The following LIPT1 variants were observed in gnomAD, a reference collection of about 807,000 sequenced individuals.
LIPT1 encodes lipoyl amidotransferase LIPT1, mitochondrial.
In LIPT1, 22 loss-of-function variants were observed where a neutral mutation model predicts 25.1. That is an observed-to-expected ratio of 0.88 (90% CI 0.63 to 1.25). The LOEUF is 1.25. Ranked by LOEUF, LIPT1 falls within the 50% of genes most tolerant of loss-of-function variation. LIPT1 has a pLI of 0.00. For synonymous variants in LIPT1, 131 were observed against 150.8 expected (o/e 0.87, Z 0.96); for missense variants, 399 against 432.8 (o/e 0.92, Z 0.69).
At chr2:99,160,709 T>C (rs2093780660) in intron 1 of LIPT1, among the ~76,000 whole-genome samples, 1 of 152,170 alleles carries the variant, frequency 6.6e-6, no homozygotes, top group African/African-American at 2.4e-5. Flanking sequence ...CCCAGTTGCC[T>C]CTCTCTCTGA....
intron 1 of LIPT1, among the ~76,000 whole-genome samples, chr2:99,157,783 T>G (rs900506258): frequency 6.6e-6 from 1 of 152,192 alleles, no homozygotes; most frequent in African/African-American, 2.4e-5. Context: ...CGCAGGCCCT[T>G]AAATCTTCTC....
Position 99,161,632 on chromosome 2 carries a change from G to A in LIPT1, c.-1-325G>A, listed in dbSNP as rs987285123. On this transcript the variant is annotated intron_variant, in intron 1 of 1. Transcript: ENST00000651691. ...GTGGGAGGACTGCTTGAGCCCAGGA[G>A]TTTGAGACCAGCCTGGGCAACATGG... The A allele has an allele frequency of 1.6e-4, 30 of 185,842 alleles. No individual in the cohort carries two copies. In the South Asian group the frequency reaches 2.6e-3, roughly 16 times the overall value. 11.5% of individuals were successfully genotyped at this position (185,842 alleles called of 1,614,324 possible). A position where few individuals can be genotyped will look rare whatever the true frequency, so the allele number is the denominator to read the frequency against.
chr2:99,156,882 T>C (rs1294026898), intron 1 of LIPT1: 1 of 152,240 alleles, frequency 6.6e-6, no homozygotes, highest in African/African-American at 2.4e-5. Flanking sequence ...GTGTCTTGGT[T>C]AGGAATCTTT....
intron 1 of LIPT1, among the ~76,000 whole-genome samples, chr2:99,161,110 C>A (rs1315240712): frequency 1.1e-4 from 16 of 150,926 alleles, no homozygotes; most frequent in Admixed American, 9.9e-4. Flanking sequence ...ACTAAAAATA[C>A]AAAATTTAGC....
At position 99,162,903 on chromosome 2, in the gene LIPT1, G is replaced by A; in HGVS notation, c.946G>A (p.Asp316Asn). 1.2e-6 allele frequency: 2 copies of A among 1,613,392 alleles called. No homozygotes were observed. The highest frequency in any genetic ancestry group is 1.3e-5 in the African/African-American group (1 of 75,020). ...TGAAATTTGTAATATTGAAGCACCT[G>A]ATCATTGGTTGCCATTGGAAATACG... ...RIEICNIEAP[D>N]HWLPLEIRDK... Residue 316 changes from aspartate (D) to asparagine (N), a missense_variant, in exon 2 of 2, where the codon GAT becomes AAT. Physicochemically the swap from Asp to Asn is conservative, Grantham distance 23. Transcript: ENST00000651691.
intron 1 of LIPT1, among the ~76,000 whole-genome samples, chr2:99,159,218 C>T (rs967733100): frequency 2.0e-5 from 3 of 151,958 alleles, no homozygotes; most frequent in African/African-American, 7.3e-5. Context: ...CACCTGCCAC[C>T]ATGCCCGGCT....
chr2:99,158,170 T>G (rs2093765895), intron 1 of LIPT1, among the ~76,000 whole-genome samples: 1 of 152,196 alleles, frequency 6.6e-6, no homozygotes, highest in South Asian at 2.1e-4. Flanking sequence ...GGGATTTGAA[T>G]GAGGGCACTC....
At chr2:99,161,193 G>A (rs1349593383) in intron 1 of LIPT1, among the ~76,000 whole-genome samples, 3 of 142,082 alleles carry the variant, frequency 2.1e-5, no homozygotes, top group Admixed American at 7.1e-5. Flanking sequence ...CGGAGGTTGC[G>A]GTGAGCCAAG....
intron 1 of LIPT1, among the ~76,000 whole-genome samples, chr2:99,161,141 T>G (rs1184401641): frequency 6.7e-6 from 1 of 149,742 alleles, no homozygotes; most frequent in African/African-American, 2.5e-5. Context: ...GGCAGGCGTC[T>G]GTTATCCCAG....
In LIPT1 at chr2:99,162,453, G is replaced by C; in HGVS notation, c.496G>C (p.Ala166Pro). Residue 166 changes from alanine (A) to proline (P), a missense_variant, in exon 2 of 2, where the codon GCT becomes CCT. Coordinates refer to ENST00000651691, the MANE Select transcript of LIPT1 (RefSeq NM_145199.3). ...TGGACAGTTTAAAATCTCAGGAACA[G>C]CTTCTAAGATCGGCCGGACTACTGC... Reference protein sequence around the residue: ...LDGQFKISGTASKIGRTTAYH... With the variant: ...LDGQFKISGTPSKIGRTTAYH... 3 of 1,613,994 alleles carry C rather than the reference G, an allele frequency of 1.9e-6. No homozygotes were observed. Among genetic ancestry groups the C allele is most frequent in the Non-Finnish European group, 2.5e-6 (3 of 1,180,042 alleles).
intron 1 of LIPT1, among the ~76,000 whole-genome samples, chr2:99,157,592 A>G (rs2093763753): frequency 1.3e-5 from 2 of 151,980 alleles, no homozygotes; most frequent in South Asian, 4.2e-4. Flanking sequence ...ATCCTTTTCA[A>G]CCCTCATCTT....
chr2:99,155,018 C>T lies in LIPT1; in HGVS notation c.-35C>T, dbSNP rs575068235. The T allele has an allele frequency of 1.5e-5, 7 of 455,908 alleles. No homozygotes were observed. The highest frequency in any genetic ancestry group is 1.2e-4 in the Admixed American group (5 of 42,566). 28.2% of individuals were successfully genotyped at this position (455,908 alleles called of 1,614,324 possible). Reference sequence around the variant, plus strand: ...ATGACGCACTTTTCCAGCTCGAGCCCTCACGAGGCCGTGGGTACGACCGGA... The same window carrying T: ...ATGACGCACTTTTCCAGCTCGAGCCTTCACGAGGCCGTGGGTACGACCGGA... On this transcript the variant is annotated 5_prime_UTR_variant, in exon 1 of 2. Transcript: ENST00000651691.
At chr2:99,161,335 T>TATATATATATATATAG (rs2093790871) in intron 1 of LIPT1, 1 of 105,248 alleles carries the variant, frequency 9.5e-6, no homozygotes, top group Admixed American at 1.1e-4. Context: ...TATATATATA[T>TATATATATATATATAG]ATAGATTGAA....
At chr2:99,155,224 C>T (rs916948273) in intron 1 of LIPT1, 173 bp downstream of exon 1, 3 of 372,074 alleles carry the variant, frequency 8.1e-6, no homozygotes, top group Non-Finnish European at 1.6e-5. Flanking sequence ...TTGGGACGAC[C>T]TAATTTCACT....
chr2:99,159,777 G>T (rs2105190757), intron 1 of LIPT1, among the ~76,000 whole-genome samples: 2 of 152,272 alleles, frequency 1.3e-5, no homozygotes, highest in South Asian at 4.1e-4. Context: ...AGTCTCGGTT[G>T]CGAGGCTTCC....
chr2:99,162,794 T>C lies in LIPT1; in HGVS notation c.837T>C (p.Phe279=). Residue 279 remains phenylalanine (F), a synonymous_variant, in exon 2 of 2, where the codon TTT becomes TTC. Coordinates refer to ENST00000651691, the MANE Select transcript of LIPT1 (RefSeq NM_145199.3). The part of the protein sequence containing the change: ...WEWIYGKTPK[F]SINTSFHVLY... ...GGATATATGGCAAAACTCCAAAGTT[T>C]AGTATAAATACTTCCTTTCATGTGT... The C allele has an allele frequency of 1.2e-6, 2 of 1,614,174 alleles. No homozygotes were observed. Among genetic ancestry groups the C allele is most frequent in the South Asian group, 2.2e-5 (2 of 91,084 alleles).
chr2:99,159,398 TTCTC>T (rs375225183), intron 1 of LIPT1, among the ~76,000 whole-genome samples: 1 of 151,444 alleles, frequency 6.6e-6, no homozygotes, highest in African/African-American at 2.4e-5. Flanking sequence ...ATCCATCCCC[TTCTC>T]TCTCTCTCTC....
chr2:99,161,335 T>TAG (rs2093790856), intron 1 of LIPT1: 1 of 105,248 alleles, frequency 9.5e-6, no homozygotes, highest in Non-Finnish European at 1.8e-5. Context: ...TATATATATA[T>TAG]ATAGATTGAA....
In LIPT1 at chr2:99,162,325, A is replaced by T. The variant is rs1559171136; in HGVS notation, c.368A>T (p.Lys123Met). ...INLTFFTTKK[K>M]YDRMENLKLI... ...TTGACTTTCTTTACAACCAAAAAAA[A>T]GTATGATAGAATGGAAAATCTGAAA... Residue 123 changes from lysine to methionine, a missense_variant, in exon 2 of 2, where the codon AAG becomes ATG. By Grantham distance (95) the Lys-to-Met change is moderately conservative (BLOSUM62 -1). Coordinates refer to ENST00000651691, the MANE Select transcript of LIPT1 (RefSeq NM_145199.3). The T allele has an allele frequency of 1.9e-6, 3 of 1,613,420 alleles. No individual in the cohort carries two copies. Among genetic ancestry groups the T allele is most frequent in the Non-Finnish European group, 8.5e-7 (1 of 1,179,938 alleles).
Sources: gnomAD v4.1 joint callset for allele counts (sites outside exome capture counted in the v4.1 genomes callset) on GRCh38, gnomAD v4.1.1 for gene constraint, MANE v1.5 for transcripts, NCBI Gene and HGNC (gene_info 2026-07-23, HGNC 2026-07-21) for gene names.